The following AVEN variants were observed in gnomAD, a reference collection of about 807,000 sequenced individuals.
AVEN encodes apoptosis and caspase activation inhibitor, also known as cell death regulator Aven.
AVEN carries 41 observed loss-of-function variants against 38.1 expected under a neutral mutation model. The observed-to-expected ratio is 1.08, with a 90% confidence interval of 0.84 to 1.40. The LOEUF (loss-of-function observed/expected upper bound fraction) is 1.40. Among genes scored for constraint, AVEN ranks in the 40% most tolerant of loss-of-function variants. The pLI, the probability that AVEN is intolerant of heterozygous loss-of-function variation, is 0.00. For missense variants in AVEN, 605 were observed against 438.8 expected, an observed-to-expected ratio of 1.38 and a Z score of -3.38; for synonymous variants, 206 against 171.8, an observed-to-expected ratio of 1.20 and a Z score of -1.56.
chr15:33,904,694 A>AAAAAAAAT (rs1464894437), intron 2 of AVEN, among the ~76,000 whole-genome samples: 4 of 112,744 alleles, frequency 3.5e-5, no homozygotes, highest in African/African-American at 1.2e-4. Context: ...AAAAAAAAAA[A>AAAAAAAAT]ATATATATAT....
At chr15:33,863,358 C>G (rs1194908530), downstream of AVEN, among the ~76,000 whole-genome samples, 2 of 152,156 alleles carry the variant, frequency 1.3e-5, no homozygotes, top group Non-Finnish European at 2.9e-5. Flanking sequence ...TACTGTGGGC[C>G]AGGACCTGAC....
At chr15:34,051,150 C>T (rs751467357) in intron 5 of AVEN, among the ~76,000 whole-genome samples, 3 of 152,198 alleles carry the variant, frequency 2.0e-5, no homozygotes, top group Non-Finnish European at 4.4e-5. Context: ...AATAGTCTGT[C>T]AGACCACAGC....
chr15:33,962,397 CCA>C (rs1895223957), intron 2 of AVEN, among the ~76,000 whole-genome samples: 1 of 152,132 alleles, frequency 6.6e-6, no homozygotes, highest in South Asian at 2.1e-4. Context: ...GCATCTCCAG[CCA>C]CAGTTACTCA....
At chr15:33,868,413 G>A (rs961583771) in intron 4 of AVEN, among the ~76,000 whole-genome samples, 6 of 151,824 alleles carry the variant, frequency 4.0e-5, no homozygotes, top group African/African-American at 1.5e-4. Context: ...CAGGAGTGGT[G>A]GAGAGTGTCT....
intron 2 of AVEN, among the ~76,000 whole-genome samples, chr15:33,926,359 G>A (rs1333994275): frequency 1.3e-5 from 2 of 152,132 alleles, no homozygotes. Context: ...GTCACTTTCT[G>A]GCCTTGTGAG....
rs532617905 is a variant in AVEN at position 33,894,124 on chromosome 15, A to AT, written c.446-18130dup. ...ACAACCACACCCGGCTAATTTTTGTATTTTTAGTAGAGATGGGGTTTCGCT... is the reference window on the plus strand; with the variant it reads ...ACAACCACACCCGGCTAATTTTTGTATTTTTTAGTAGAGATGGGGTTTCGCT... On this transcript the variant is annotated intron_variant, in intron 2 of 5. Transcript: ENST00000306730. Among the ~76,000 whole-genome samples, 16 of 152,010 alleles carry AT rather than the reference A, an allele frequency of 1.1e-4. No homozygotes were observed. In the East Asian group the frequency reaches 2.5e-3, roughly 24 times the overall value.
intron 2 of AVEN, among the ~76,000 whole-genome samples, chr15:33,899,309 T>C (rs16958293): frequency 0.014 from 2,090 of 152,226 alleles, 40 homozygotes; most frequent in African/African-American, 0.048. Context: ...TTGATCCAGC[T>C]ACCATATGGT....
In AVEN at chr15:33,881,692, C is replaced by A. The variant is rs115972650; in HGVS notation, c.446-5697G>T. 5.8e-3 allele frequency among the ~76,000 whole-genome samples: 891 copies of A among 152,332 alleles called. 7 individuals are homozygous for A. Among genetic ancestry groups the A allele is most frequent in the African/African-American group, 0.02 (846 of 41,572 alleles). On this transcript the variant is annotated intron_variant, in intron 2 of 5. Transcript: ENST00000306730. ...TACATACACACAAAGTATGGTGATT[C>A]ACCAAATGTGCTACTTTTATATCTT... is the stretch of plus-strand genomic sequence containing the variant.
At chr15:33,966,642 C>G (rs549400018) in intron 2 of AVEN, among the ~76,000 whole-genome samples, 4 of 78,818 alleles carry the variant, frequency 5.1e-5, no homozygotes, top group Admixed American at 3.2e-4. Context: ...TCTCTTTCAT[C>G]CAGCCAATTT....
In AVEN at chr15:34,037,287, C is replaced by T. The variant is rs140472431; in HGVS notation, c.267+1493G>A. ...CATTACTACAATTACTCTTAAAGCA[C>T]GATCCCTGCAGCTAAGGAATATCTA... On this transcript the variant is annotated intron_variant, in intron 1 of 5. Coordinates refer to ENST00000306730, the MANE Select transcript of AVEN (RefSeq NM_020371.3). 5.9e-3 allele frequency among the ~76,000 whole-genome samples: 903 copies of T among 152,044 alleles called. 12 individuals are homozygous for T. In the South Asian group the frequency reaches 0.063, roughly 11 times the overall value.
At chr15:33,891,615 A>C (rs542752072) in intron 2 of AVEN, among the ~76,000 whole-genome samples, 1 of 152,264 alleles carries the variant, frequency 6.6e-6, no homozygotes, top group East Asian at 1.9e-4. Flanking sequence ...ACATTTTCTC[A>C]ATCCAGTCTA....
At chr15:33,939,136 C>T (rs1394147154) in intron 2 of AVEN, among the ~76,000 whole-genome samples, 6 of 152,156 alleles carry the variant, frequency 3.9e-5, no homozygotes, top group South Asian at 4.1e-4. Flanking sequence ...CCACCACGCC[C>T]GGCCACACCT....
At chr15:33,864,463 TTGTC>T (rs971659915), downstream of AVEN, among the ~76,000 whole-genome samples, 6 of 152,138 alleles carry the variant, frequency 3.9e-5, no homozygotes, top group Middle Eastern at 3.4e-3. Flanking sequence ...AAATAAGAAA[TTGTC>T]TGACAATAAG....
chr15:33,886,836 G>A (rs1417645594), intron 2 of AVEN, among the ~76,000 whole-genome samples: 1 of 152,188 alleles, frequency 6.6e-6, no homozygotes, highest in East Asian at 1.9e-4. Flanking sequence ...TCAAAGGCTG[G>A]TATGGTGGCC....
At chr15:33,892,563 TTTG>T (rs1892031263) in intron 2 of AVEN, among the ~76,000 whole-genome samples, 1 of 152,178 alleles carries the variant, frequency 6.6e-6, no homozygotes, top group African/African-American at 2.4e-5. Flanking sequence ...TTCTGAGGGC[TTTG>T]TTCTGTTCCA....
intron 1 of AVEN, among the ~76,000 whole-genome samples, chr15:34,007,267 C>T (rs1052331485): frequency 2.0e-5 from 3 of 152,260 alleles, no homozygotes; most frequent in Admixed American, 6.5e-5. Flanking sequence ...TTTGACCTCA[C>T]CTGCTCTGCA....
rs139675687 is a variant in AVEN, at chr15:34,063,431, A to G, written n.1128T>C. ...TCCAGGGTTCTGACTCTGTGACCAA[A>G]GCTGAGAAGAGAAAGCCAGCTCATA... On this transcript the variant is annotated splice_region_variant and non_coding_transcript_exon_variant, in exon 5 of 12. Transcript: ENST00000675287. The surrounding 1 kb of genome is among the most constrained non-coding windows in gnomAD (Gnocchi z 4.1). The G allele has an allele frequency of 5.6e-6, 9 of 1,613,946 alleles. No individual in the cohort carries two copies. In the African/African-American group the frequency reaches 1.2e-4, roughly 22 times the overall value.
chr15:34,023,054 G>A (rs1454260844), intron 1 of AVEN, among the ~76,000 whole-genome samples: 3 of 152,218 alleles, frequency 2.0e-5, no homozygotes, highest in Non-Finnish European at 2.9e-5. Context: ...TGGCGTGGTG[G>A]TGTGCGCCTG....
At chr15:33,857,881 C>G (rs575688215), downstream of AVEN, 4 of 1,614,124 alleles carry the variant, frequency 2.5e-6, no homozygotes, top group East Asian at 2.2e-5. Context: ...AAGACGATGA[C>G]GAGCCCGATA....
Sources: gnomAD v4.1 joint callset for allele counts (sites outside exome capture counted in the v4.1 genomes callset) on GRCh38, gnomAD v4.1.1 for gene constraint, Gnocchi (gnomAD v3.1) non-coding constraint, MANE v1.5 for transcripts, NCBI Gene and HGNC (gene_info 2026-07-23, HGNC 2026-07-21) for gene names.